PCTP: variants seen among roughly 807,000 people sequenced by gnomAD.
The protein encoded by PCTP is phosphatidylcholine transfer protein.
In PCTP, 27 loss-of-function variants were observed where a neutral mutation model predicts 31.0. That is an observed-to-expected ratio of 0.87 (90% confidence interval 0.64 to 1.20). PCTP has a LOEUF of 1.20. Ranked by LOEUF, PCTP falls within the 50% of genes most tolerant of loss-of-function variation. The pLI, the probability that PCTP is intolerant of heterozygous loss-of-function variation, is 0.00. For missense variants in PCTP, 287 were observed against 268.2 expected (o/e 1.07, Z -0.49); for synonymous variants, 108 against 101.2 (o/e 1.07, Z -0.40).
rs756312780 is a variant in PCTP at position 55,822,713 on chromosome 17, G to A, written c.318-48G>A. 19 of 1,099,220 alleles carry A rather than the reference G, an allele frequency of 1.7e-5. No individual in the cohort carries two copies. In the African/African-American group the frequency reaches 3.0e-4, roughly 17 times the overall value. 68.1% of individuals were successfully genotyped at this position (1,099,220 alleles called of 1,614,324 possible). A position where few individuals can be genotyped will look rare whatever the true frequency, so the allele number is the denominator to read the frequency against. On this transcript the variant is annotated intron_variant, in intron 3 of 3. Coordinates refer to the PCTP transcript ENST00000572536. ...TCCTGAAGTATCCCCAGGAATTTTT[G>A]TGGCTGTACTTACTCTCATCCTTTG...
intron 2 of PCTP, chr17:55,787,445 C>G (rs1187977932): frequency 2.0e-5 from 3 of 151,960 alleles, no homozygotes; most frequent in Non-Finnish European, 4.4e-5. Flanking sequence ...ACTTCACCTC[C>G]TGGGTTCAAG....
intron 5 of PCTP, chr17:55,775,708 T>G: frequency 2.5e-6 from 3 of 1,218,380 alleles, no homozygotes; most frequent in Non-Finnish European, 3.1e-6. Flanking sequence ...TTCATTTCTT[T>G]GGAAGAATGT....
chr17:55,846,052 C>G (rs914168753), downstream of PCTP, among the ~76,000 whole-genome samples: 1 of 151,926 alleles, frequency 6.6e-6, no homozygotes, highest in African/African-American at 2.4e-5. Flanking sequence ...TTCTGTCAAA[C>G]GAGGCATTAA....
At position 55,803,888 on chromosome 17, in the gene PCTP, A is replaced by G. The variant is rs1031107558; in HGVS notation, c.317+16234A>G. ...TCTAATTAAACTAAAGAGCTTCTGC[A>G]GAGCAAAAAAAAAAAAACCAGGATC... On this transcript the variant is annotated intron_variant, in intron 3 of 3. Transcript: ENST00000572536. 1.2e-3 allele frequency among the ~76,000 whole-genome samples: 173 copies of G among 145,782 alleles called. 1 individual carries two copies. The highest frequency in any genetic ancestry group is 1.7e-3 in the Non-Finnish European group (114 of 66,344).
chr17:55,837,386 A>G (rs1905813776), intron 5 of PCTP, among the ~76,000 whole-genome samples: 1 of 152,170 alleles, frequency 6.6e-6, no homozygotes, highest in South Asian at 2.1e-4. Context: ...ACGGTGTTGA[A>G]TCATCACTGG....
chr17:55,767,048 C>T (rs894435688), intron 1 of PCTP, among the ~76,000 whole-genome samples: 4 of 152,198 alleles, frequency 2.6e-5, no homozygotes, highest in Non-Finnish European at 5.9e-5. Flanking sequence ...TTTTTGGCTG[C>T]ATAAATGTCT....
chr17:55,807,567 C>T (rs555948460), intron 3 of PCTP, among the ~76,000 whole-genome samples: 8 of 152,226 alleles, frequency 5.3e-5, no homozygotes, highest in Non-Finnish European at 1.0e-4. Context: ...CTGACTGATA[C>T]CCCACTCTTT....
intron 3 of PCTP, among the ~76,000 whole-genome samples, chr17:55,816,250 A>G (rs1912913195): frequency 6.6e-6 from 1 of 152,186 alleles, no homozygotes; most frequent in Non-Finnish European, 1.5e-5. Flanking sequence ...GTTTTAGCCA[A>G]CATTCTCCAA....
At chr17:55,831,799 C>T (rs1905605555) in intron 5 of PCTP, among the ~76,000 whole-genome samples, 1 of 152,072 alleles carries the variant, frequency 6.6e-6, no homozygotes, top group African/African-American at 2.4e-5. Flanking sequence ...CAGAAACACC[C>T]GGCTGGACGT....
intron 1 of PCTP, among the ~76,000 whole-genome samples, chr17:55,762,518 G>A (rs895612436): frequency 1.3e-5 from 2 of 151,932 alleles, no homozygotes; most frequent in African/African-American, 4.8e-5. Context: ...TTGTTGATAA[G>A]GACCACTATG....
chr17:55,751,522 A>G (rs1330150346), intron 1 of PCTP: 1 of 1,483,264 alleles, frequency 6.7e-7, no homozygotes, highest in Admixed American at 2.0e-5. Context: ...TGACAGTTGA[A>G]ACGTGGGTCA....
chr17:55,835,075 A>C (rs188047167), intron 5 of PCTP, among the ~76,000 whole-genome samples: 1 of 152,282 alleles, frequency 6.6e-6, no homozygotes, highest in African/African-American at 2.4e-5. Context: ...TGGGAAGTTG[A>C]AGGTAGAGCT....
chr17:55,841,769 G>A (rs1442132924), intron 5 of PCTP, among the ~76,000 whole-genome samples: 5 of 152,188 alleles, frequency 3.3e-5, no homozygotes, highest in African/African-American at 1.2e-4. Context: ...GATTGGGTAT[G>A]CAAATTACTC....
downstream of PCTP, among the ~76,000 whole-genome samples, chr17:55,827,136 C>A (rs1905426219): frequency 6.6e-6 from 1 of 151,958 alleles, no homozygotes; most frequent in Non-Finnish European, 1.5e-5. Flanking sequence ...GAGGCAAAGT[C>A]TATTTCCCTG....
intron 2 of PCTP, among the ~76,000 whole-genome samples, chr17:55,783,667 G>A (rs2144990900): frequency 6.6e-6 from 1 of 152,308 alleles, no homozygotes; most frequent in South Asian, 2.1e-4. Flanking sequence ...AAGGGAGAGT[G>A]AATGATATTC....
downstream of PCTP, among the ~76,000 whole-genome samples, chr17:55,781,967 C>T (rs144830529): frequency 3.5e-3 from 531 of 152,168 alleles, 2 homozygotes; most frequent in Admixed American, 7.5e-3. Flanking sequence ...GGAATTGGCT[C>T]ATACAATTAT....
At chr17:55,847,556 T>C (rs1048232838), downstream of PCTP, among the ~76,000 whole-genome samples, 23 of 152,208 alleles carry the variant, frequency 1.5e-4, no homozygotes, top group African/African-American at 5.3e-4. Flanking sequence ...TCCACCATGA[T>C]TGTAAGTTTC....
At chr17:55,820,907 G>A (rs1428955535) in intron 3 of PCTP, among the ~76,000 whole-genome samples, 1 of 152,176 alleles carries the variant, frequency 6.6e-6, no homozygotes, top group Non-Finnish European at 1.5e-5. Flanking sequence ...GAAGAAGTTG[G>A]AGTTCTCATA....
chr17:55,779,892 G>T (rs1911498409), downstream of PCTP, among the ~76,000 whole-genome samples: 1 of 152,134 alleles, frequency 6.6e-6, no homozygotes, highest in Non-Finnish European at 1.5e-5. Flanking sequence ...GACCACCCAT[G>T]CACATCCCCT....
Sources: gnomAD v4.1 joint callset for allele counts (sites outside exome capture counted in the v4.1 genomes callset) on GRCh38, gnomAD v4.1.1 for gene constraint, MANE v1.5 for transcripts, NCBI Gene and HGNC (gene_info 2026-07-23, HGNC 2026-07-21) for gene names.